Variants in SLC24A2 observed in about 807,000 individuals in gnomAD.
SLC24A2 encodes solute carrier family 24 member 2.
A neutral mutation model predicts 62.0 loss-of-function variants in SLC24A2; 36 were observed. The observed-to-expected ratio is 0.58, with a 90% CI of 0.44 to 0.77. The LOEUF (loss-of-function observed/expected upper bound fraction) is 0.77, where lower values mean the gene tolerates loss of function less well. Ranked by LOEUF, SLC24A2 falls within the 30% of genes least tolerant of loss-of-function variation. SLC24A2 has a pLI of 0.00. For missense variants in SLC24A2, 846 were observed against 817.9 expected, an observed-to-expected ratio of 1.03 and a Z score of -0.42; for synonymous variants, 358 against 294.0, an observed-to-expected ratio of 1.22 and a Z score of -2.23.
chr9:20,015,337 T>C, the SLC24A2 span, among the ~76,000 whole-genome samples: 2 of 152,234 alleles, frequency 1.3e-5, no homozygotes, highest in African/African-American at 4.8e-5. Context: ...GCCTTGTAGA[T>C]GCAGGTGCAC....
At chr9:19,946,822 T>C in the SLC24A2 span, among the ~76,000 whole-genome samples, 1 of 152,370 alleles carries the variant, frequency 6.6e-6, no homozygotes, top group South Asian at 2.1e-4. Context: ...TCTCAGTTTC[T>C]GCCCAGTTAA....
At chr9:20,116,957 CT>C in the SLC24A2 span, among the ~76,000 whole-genome samples, 1 of 152,152 alleles carries the variant, frequency 6.6e-6, no homozygotes, top group Non-Finnish European at 1.5e-5. Flanking sequence ...AGCATACTAG[CT>C]TTCATCTTTT....
chr9:19,835,880 T>C, the SLC24A2 span, among the ~76,000 whole-genome samples: 11 of 152,300 alleles, frequency 7.2e-5, no homozygotes, highest in South Asian at 1.9e-3. Flanking sequence ...AACTGTCTCT[T>C]AGACAACAGT....
At chr9:19,547,671 G>C (rs1834649361) in intron 8 of SLC24A2, among the ~76,000 whole-genome samples, 1 of 151,490 alleles carries the variant, frequency 6.6e-6, no homozygotes, top group East Asian at 1.9e-4. Context: ...TGCCTCAATG[G>C]TTGTATGCAA....
At chr9:19,732,910 G>A (rs545814428) in intron 2 of SLC24A2, among the ~76,000 whole-genome samples, 6 of 152,260 alleles carry the variant, frequency 3.9e-5, no homozygotes, top group African/African-American at 1.4e-4. Context: ...GCCATTCTGC[G>A]AGTAAAACCT....
chr9:19,539,663 GA>G (rs1436671236), intron 8 of SLC24A2, among the ~76,000 whole-genome samples: 1 of 64,332 alleles, frequency 1.6e-5, no homozygotes, highest in African/African-American at 6.6e-5. Flanking sequence ...GTGTGGTGCT[GA>G]AAAAAATGTA....
chr9:19,781,773 C>T (rs1823027728), intron 2 of SLC24A2, among the ~76,000 whole-genome samples: 1 of 152,124 alleles, frequency 6.6e-6, no homozygotes, highest in Non-Finnish European at 1.5e-5. Context: ...ACCATCTTAC[C>T]TACTTTGAAG....
chr9:19,817,446 T>C, the SLC24A2 span, among the ~76,000 whole-genome samples: 22 of 151,970 alleles, frequency 1.4e-4, no homozygotes, highest in Non-Finnish European at 2.5e-4. Context: ...TGGATGACTT[T>C]ATATATCTAT....
intron 2 of SLC24A2, among the ~76,000 whole-genome samples, chr9:19,639,799 T>C (rs1360875955): frequency 6.6e-6 from 1 of 152,258 alleles, no homozygotes; most frequent in African/African-American, 2.4e-5. Context: ...TAAGCTCTGC[T>C]GAATTCATTT....
the SLC24A2 span, among the ~76,000 whole-genome samples, chr9:20,238,223 C>A: frequency 6.6e-6 from 1 of 152,156 alleles, no homozygotes; most frequent in East Asian, 1.9e-4. Flanking sequence ...CCCTCACATC[C>A]ACTCTAAGAG....
chr9:20,184,724 A>G, the SLC24A2 span, among the ~76,000 whole-genome samples: 1 of 152,160 alleles, frequency 6.6e-6, no homozygotes, highest in Non-Finnish European at 1.5e-5. Context: ...TAGAACTACC[A>G]TATGTGATCC....
the SLC24A2 span, among the ~76,000 whole-genome samples, chr9:19,845,007 G>A: frequency 1.4e-5 from 2 of 142,818 alleles, no homozygotes; most frequent in South Asian, 4.4e-4. Flanking sequence ...GCTCTTTTTT[G>A]GTTCCATATA....
At chr9:19,558,771 C>A (rs984170827) in intron 7 of SLC24A2, among the ~76,000 whole-genome samples, 23 of 152,200 alleles carry the variant, frequency 1.5e-4, no homozygotes, top group Admixed American at 3.9e-4. Flanking sequence ...TTCCTACCTC[C>A]CTCCTCTTTC....
the SLC24A2 span, among the ~76,000 whole-genome samples, chr9:19,867,493 G>A: frequency 6.6e-6 from 1 of 151,764 alleles, no homozygotes; most frequent in Non-Finnish European, 1.5e-5. Context: ...TTCCTTTTTA[G>A]TTTTTTTTCT....
At chr9:19,526,335 G>T (rs1207672332) in intron 9 of SLC24A2, among the ~76,000 whole-genome samples, 3 of 152,132 alleles carry the variant, frequency 2.0e-5, no homozygotes, top group African/African-American at 7.2e-5. Flanking sequence ...GTTTGTGGAC[G>T]TATGTTTTCA....
intron 2 of SLC24A2, among the ~76,000 whole-genome samples, chr9:19,650,822 AGTGT>A (rs61576823): frequency 6.0e-4 from 90 of 148,934 alleles, no homozygotes; most frequent in Middle Eastern, 3.4e-3. Context: ...ATCAGCTTCT[AGTGT>A]GTGTGTGTGT....
the SLC24A2 span, among the ~76,000 whole-genome samples, chr9:19,966,859 T>C: frequency 6.6e-6 from 1 of 152,174 alleles, no homozygotes; most frequent in Non-Finnish European, 1.5e-5. Context: ...TAGAAGAAAT[T>C]ACTAAGAAAA....
chr9:20,092,450 T>G, the SLC24A2 span, among the ~76,000 whole-genome samples: 29 of 152,216 alleles, frequency 1.9e-4, 3 homozygotes, highest in African/African-American at 6.7e-4. Flanking sequence ...CATAGACTTT[T>G]TTATTTTTTT....
chr9:19,587,020 C>G (rs1418463054), intron 5 of SLC24A2, among the ~76,000 whole-genome samples: 1 of 152,176 alleles, frequency 6.6e-6, no homozygotes, highest in African/African-American at 2.4e-5. Context: ...TATCCTAAGA[C>G]CTGCCAGCAT....
Sources: gnomAD v4.1 joint callset for allele counts (sites outside exome capture counted in the v4.1 genomes callset) on GRCh38, gnomAD v4.1.1 for gene constraint, MANE v1.5 for transcripts, NCBI Gene and HGNC (gene_info 2026-07-23, HGNC 2026-07-21) for gene names.